IQCM: variants seen among roughly 807,000 people sequenced by gnomAD.
IQCM encodes IQ domain-containing protein M.
IQCM carries 45 observed loss-of-function variants against 57.6 expected under a neutral mutation model. The observed-to-expected ratio is 0.78, with a 90% CI of 0.62 to 1.00. The LOEUF (loss-of-function observed/expected upper bound fraction) is 1.00. Among genes scored for constraint, IQCM ranks in the 50% least tolerant of loss-of-function variants. The pLI, the probability that IQCM is intolerant of heterozygous loss-of-function variation, is 0.00. For missense variants in IQCM, 468 were observed against 511.6 expected (o/e 0.91, Z 0.82); for synonymous variants, 148 against 158.9 (o/e 0.93, Z 0.51).
At chr4:149,739,952 G>A (rs1051233813) in intron 3 of IQCM, among the ~76,000 whole-genome samples, 14 of 152,150 alleles carry the variant, frequency 9.2e-5, no homozygotes, top group African/African-American at 3.1e-4. Context: ...AGCCTCTGAA[G>A]TGAAGATACA....
chr4:149,700,404 C>T (rs1025558863), intron 5 of IQCM, among the ~76,000 whole-genome samples: 10 of 151,680 alleles, frequency 6.6e-5, no homozygotes, highest in African/African-American at 2.2e-4. Flanking sequence ...TATCAGGTCA[C>T]CCCCCCACAC....
At chr4:149,528,188 G>C (rs187524009) in intron 12 of IQCM, among the ~76,000 whole-genome samples, 1 of 152,070 alleles carries the variant, frequency 6.6e-6, no homozygotes, top group Non-Finnish European at 1.5e-5. Flanking sequence ...GTTTCACCAC[G>C]TTGGCCATGC....
chr4:149,517,916 T>G (rs1244694141), intron 12 of IQCM, among the ~76,000 whole-genome samples: 1 of 152,162 alleles, frequency 6.6e-6, no homozygotes, highest in Non-Finnish European at 1.5e-5. Context: ...TGGGACCTTG[T>G]GATTGTGTGA....
intron 12 of IQCM, among the ~76,000 whole-genome samples, chr4:149,470,251 T>C (rs1333586830): frequency 6.7e-6 from 1 of 149,360 alleles, no homozygotes; most frequent in African/African-American, 2.5e-5. Flanking sequence ...GAGACACACA[T>C]AGGCTCAAAA....
intron 5 of IQCM, among the ~76,000 whole-genome samples, chr4:149,728,377 T>C (rs1055396934): frequency 6.6e-6 from 1 of 152,246 alleles, no homozygotes; most frequent in Non-Finnish European, 1.5e-5. Context: ...TTAATTGATA[T>C]CTGTTTCCCT....
At chr4:149,391,769 A>G (rs867332576) in intron 13 of IQCM, among the ~76,000 whole-genome samples, 1 of 151,994 alleles carries the variant, frequency 6.6e-6, no homozygotes, top group African/African-American at 2.4e-5. Flanking sequence ...TTTATTTTCC[A>G]CATAATATGA....
At chr4:149,354,493 C>T (rs1003205435) in intron 13 of IQCM, among the ~76,000 whole-genome samples, 2 of 150,784 alleles carry the variant, frequency 1.3e-5, no homozygotes, top group African/African-American at 2.4e-5. Flanking sequence ...TCCTAATTTA[C>T]GACAGTTATA....
chr4:149,353,229 A>G (rs759556561), intron 13 of IQCM, among the ~76,000 whole-genome samples: 1 of 152,168 alleles, frequency 6.6e-6, no homozygotes, highest in Non-Finnish European at 1.5e-5. Context: ...CAAAACCACA[A>G]TGAGATATCA....
At chr4:149,505,346 C>T (rs1213625480) in intron 12 of IQCM, among the ~76,000 whole-genome samples, 2 of 152,106 alleles carry the variant, frequency 1.3e-5, no homozygotes, top group Non-Finnish European at 2.9e-5. Flanking sequence ...GTGTTCTATA[C>T]TTTAAAAATG....
chr4:149,490,098 T>C (rs1330345505), intron 12 of IQCM, among the ~76,000 whole-genome samples: 1 of 152,016 alleles, frequency 6.6e-6, no homozygotes, highest in Non-Finnish European at 1.5e-5. Flanking sequence ...GAAACATTAC[T>C]ATAATAGGTT....
At chr4:149,599,108 T>C (rs976607205) in intron 8 of IQCM, among the ~76,000 whole-genome samples, 85 of 152,224 alleles carry the variant, frequency 5.6e-4, no homozygotes, top group African/African-American at 1.8e-3. Flanking sequence ...TCGGGAGACA[T>C]ATAAAAGAAT....
At chr4:149,676,578 A>G (rs1178921294) in intron 7 of IQCM, among the ~76,000 whole-genome samples, 1 of 152,066 alleles carries the variant, frequency 6.6e-6, no homozygotes, top group East Asian at 1.9e-4. Flanking sequence ...TCACAGTGCA[A>G]TTAAGTAACT....
intron 2 of IQCM, among the ~76,000 whole-genome samples, 161 bp from the exon 3 acceptor site, chr4:149,742,900 C>A (rs756838099): frequency 6.6e-6 from 1 of 152,116 alleles, no homozygotes; most frequent in Non-Finnish European, 1.5e-5. Context: ...AACACAGTAA[C>A]AATAGCTAGC....
chr4:149,485,565 G>A (rs776156718), intron 12 of IQCM, among the ~76,000 whole-genome samples: 2 of 151,524 alleles, frequency 1.3e-5, no homozygotes, highest in African/African-American at 2.4e-5. Flanking sequence ...GATTCTTTTA[G>A]GTTATTTCAA....
At chr4:149,403,467 C>G (rs1732759290) in intron 13 of IQCM, among the ~76,000 whole-genome samples, 1 of 151,952 alleles carries the variant, frequency 6.6e-6, no homozygotes, top group African/African-American at 2.4e-5. Flanking sequence ...AATTATCCAT[C>G]GTAAAGATGC....
At chr4:149,383,458 A>G (rs1260213853) in intron 13 of IQCM, among the ~76,000 whole-genome samples, 2 of 152,180 alleles carry the variant, frequency 1.3e-5, no homozygotes, top group African/African-American at 4.8e-5. Context: ...GGTATATGCA[A>G]TAAACCACAT....
At chr4:149,403,548 AT>A (rs959462800) in intron 13 of IQCM, among the ~76,000 whole-genome samples, 13 of 149,086 alleles carry the variant, frequency 8.7e-5, no homozygotes, top group South Asian at 2.1e-4. Context: ...CAGCTACTCT[AT>A]TTTTTTTTTC....
intron 7 of IQCM, among the ~76,000 whole-genome samples, chr4:149,630,903 G>A (rs1757210945): frequency 6.6e-6 from 1 of 152,124 alleles, no homozygotes; most frequent in African/African-American, 2.4e-5. Context: ...ACATCTGCTT[G>A]TAAAGTTGAC....
At chr4:149,385,570 A>G (rs1731367979) in intron 13 of IQCM, among the ~76,000 whole-genome samples, 1 of 152,092 alleles carries the variant, frequency 6.6e-6, no homozygotes, top group Non-Finnish European at 1.5e-5. Flanking sequence ...ATACAGATCC[A>G]TCTATCCAAC....
Sources: gnomAD v4.1 joint callset for allele counts (sites outside exome capture counted in the v4.1 genomes callset) on GRCh38, gnomAD v4.1.1 for gene constraint, MANE v1.5 for transcripts, NCBI Gene and HGNC (gene_info 2026-07-23, HGNC 2026-07-21) for gene names.